MAGI3: variants seen among roughly 807,000 people sequenced by gnomAD.
The protein encoded by MAGI3 is membrane-associated guanylate kinase, WW and PDZ domain-containing protein 3.
MAGI3 carries 43 observed loss-of-function variants against 121.8 expected under a neutral mutation model. That is an observed-to-expected ratio of 0.35 (90% confidence interval 0.28 to 0.46). The LOEUF (loss-of-function observed/expected upper bound fraction) is 0.46. MAGI3 is among the 20% of genes least tolerant of loss of function. The pLI is 1.00. For synonymous variants in MAGI3, 553 were observed against 639.3 expected, an observed-to-expected ratio of 0.86 and a Z score of 2.04; for missense variants, 1,547 against 1,797.3, an observed-to-expected ratio of 0.86 and a Z score of 2.52.
At chr1:113,638,169 A>G (rs552827022) in intron 9 of MAGI3, among the ~76,000 whole-genome samples, 1 of 152,106 alleles carries the variant, frequency 6.6e-6, no homozygotes, top group South Asian at 2.1e-4. Flanking sequence ...TTTGCCTTTG[A>G]TTTGAATTTC....
chr1:113,552,314 T>A (rs541076829), intron 2 of MAGI3, among the ~76,000 whole-genome samples: 1 of 152,332 alleles, frequency 6.6e-6, no homozygotes, highest in East Asian at 1.9e-4. Context: ...TATACTTTGA[T>A]GTTTGTTTGG....
intron 16 of MAGI3, among the ~76,000 whole-genome samples, chr1:113,660,321 T>G (rs1380537568): frequency 2.6e-5 from 4 of 152,152 alleles, no homozygotes; most frequent in African/African-American, 9.7e-5. Flanking sequence ...GATTCTTTTC[T>G]AAAATAATCC....
chr1:113,589,732 T>C (rs2101733796), intron 4 of MAGI3, among the ~76,000 whole-genome samples: 1 of 152,206 alleles, frequency 6.6e-6, no homozygotes, highest in East Asian at 1.9e-4. Context: ...GTTATAGTGA[T>C]ATTACATAGC....
chr1:113,568,137 G>A (rs1660509245), intron 2 of MAGI3, among the ~76,000 whole-genome samples: 1 of 151,932 alleles, frequency 6.6e-6, no homozygotes, highest in Non-Finnish European at 1.5e-5. Flanking sequence ...GAAACTTTGG[G>A]GGATAATGGT....
intron 1 of MAGI3, among the ~76,000 whole-genome samples, chr1:113,409,377 G>A (rs1325544916): frequency 6.6e-6 from 1 of 151,942 alleles, no homozygotes; most frequent in Non-Finnish European, 1.5e-5. Flanking sequence ...GGGTGTGGTG[G>A]TTCACACCTT....
At chr1:113,613,923 T>C (rs1650310861) in intron 6 of MAGI3, among the ~76,000 whole-genome samples, 1 of 152,176 alleles carries the variant, frequency 6.6e-6, no homozygotes, top group African/African-American at 2.4e-5. Context: ...CTTTCAGAAA[T>C]TCAACTACCT....
intron 1 of MAGI3, among the ~76,000 whole-genome samples, chr1:113,481,392 A>G (rs541432260): frequency 3.3e-5 from 5 of 152,346 alleles, no homozygotes; most frequent in South Asian, 2.1e-4. Flanking sequence ...AACACTATAC[A>G]TTGACAGAAA....
At chr1:113,434,205 A>G (rs1400102928) in intron 1 of MAGI3, among the ~76,000 whole-genome samples, 2 of 152,198 alleles carry the variant, frequency 1.3e-5, no homozygotes, top group African/African-American at 2.4e-5. Context: ...ATCTAGTACA[A>G]ATTGTCAACA....
intron 3 of MAGI3, 103 bp downstream of exon 3, chr1:113,580,764 T>C (rs1200691492): frequency 1.7e-6 from 2 of 1,144,062 alleles, no homozygotes; most frequent in East Asian, 5.7e-5. Flanking sequence ...TTGAAAAACT[T>C]TTTTTCCTCT....
At chr1:113,421,404 T>C (rs1024293223) in intron 1 of MAGI3, among the ~76,000 whole-genome samples, 2 of 152,220 alleles carry the variant, frequency 1.3e-5, no homozygotes, top group Non-Finnish European at 2.9e-5. Flanking sequence ...TGACAAGTTG[T>C]CTCATCTAAC....
intron 2 of MAGI3, among the ~76,000 whole-genome samples, chr1:113,571,154 T>G (rs566799791): frequency 1.3e-5 from 2 of 152,376 alleles, no homozygotes; most frequent in South Asian, 4.1e-4. Flanking sequence ...TAGGGAATCC[T>G]TTCCCCATTT....
chr1:113,484,873 C>T (rs566010175), intron 1 of MAGI3, among the ~76,000 whole-genome samples: 91 of 150,922 alleles, frequency 6.0e-4, no homozygotes, highest in Non-Finnish European at 2.1e-4. Context: ...TACAGGTGTG[C>T]GCCACCACGC....
intron 1 of MAGI3, among the ~76,000 whole-genome samples, chr1:113,494,631 C>G (rs1393600374): frequency 6.6e-6 from 1 of 152,074 alleles, no homozygotes; most frequent in Non-Finnish European, 1.5e-5. Flanking sequence ...TAGGCAGAAA[C>G]TGAAATTATT....
rs1003006122 is a variant in MAGI3 at position 113,473,789 on chromosome 1, G to A, written c.317-75726G>A. 2.6e-5 allele frequency among the ~76,000 whole-genome samples: 4 copies of A among 152,126 alleles called. No individual in the cohort carries two copies. The East Asian group carries it at 7.7e-4, about 29-fold the overall frequency. On this transcript the variant is annotated intron_variant, in intron 1 of 20. Transcript: ENST00000307546. ...TCCTTTGGGTATATACCCAGTAATGGGATGGCTGAGTCAAATGGTAATTCT... is the reference window on the plus strand; with the variant it reads ...TCCTTTGGGTATATACCCAGTAATGAGATGGCTGAGTCAAATGGTAATTCT...
intron 16 of MAGI3, among the ~76,000 whole-genome samples, chr1:113,659,515 G>A (rs540315709): frequency 6.6e-6 from 1 of 152,330 alleles, no homozygotes; most frequent in South Asian, 2.1e-4. Context: ...AGAGAAGCAA[G>A]CACCCAGAAG....
chr1:113,675,206 G>GT (rs1647799304), intron 19 of MAGI3, among the ~76,000 whole-genome samples: 1 of 152,198 alleles, frequency 6.6e-6, no homozygotes, highest in African/African-American at 2.4e-5. Flanking sequence ...GGGACTCCAG[G>GT]TAGCTGTAAT....
At chr1:113,612,321 A>C (rs1650203924) in intron 6 of MAGI3, among the ~76,000 whole-genome samples, 1 of 152,156 alleles carries the variant, frequency 6.6e-6, no homozygotes, top group African/African-American at 2.4e-5. Context: ...TGCACTCCCC[A>C]AAAAAGATTA....
At chr1:113,656,419 C>CTTTT (rs1171768187) in intron 15 of MAGI3, among the ~76,000 whole-genome samples, 15 of 140,614 alleles carry the variant, frequency 1.1e-4, no homozygotes, top group African/African-American at 3.9e-4. Flanking sequence ...TTTTCTTTTT[C>CTTTT]TTTTTTTTTT....
intron 1 of MAGI3, among the ~76,000 whole-genome samples, chr1:113,436,996 A>G (rs945522229): frequency 2.6e-5 from 4 of 151,700 alleles, no homozygotes; most frequent in Admixed American, 6.6e-5. Flanking sequence ...TTGTATTTTT[A>G]GTAGAGACAG....
Sources: allele counts gnomAD v4.1 joint callset (sites outside exome capture counted in the v4.1 genomes callset), GRCh38; gene constraint gnomAD v4.1.1; transcripts MANE v1.5; gene names NCBI Gene and HGNC (gene_info 2026-07-23, HGNC 2026-07-21).